Variants in PCDHA8 observed in about 807,000 individuals in gnomAD.
PCDHA8 encodes the protein protocadherin alpha 8.
A neutral mutation model predicts 61.8 loss-of-function variants in PCDHA8; 53 were observed. The observed-to-expected ratio is 0.86, with a 90% CI of 0.69 to 1.08. PCDHA8 has a LOEUF of 1.08. PCDHA8 is among the 50% of genes least tolerant of loss of function. The pLI is 0.00. For synonymous variants in PCDHA8, 618 were observed against 556.6 expected (o/e 1.11, Z -1.55); for missense variants, 1,293 against 1,245.0 (o/e 1.04, Z -0.58).
chr5:140,928,105 C>T, intron 1 of PCDHA8: 6 of 1,614,150 alleles, frequency 3.7e-6, no homozygotes, highest in Middle Eastern at 1.6e-4. Flanking sequence ...GCCCCTGGAC[C>T]GGGAGCAGAT....
At chr5:140,969,733 T>C (rs1299165103) in intron 1 of PCDHA8, among the ~76,000 whole-genome samples, 1 of 152,242 alleles carries the variant, frequency 6.6e-6, no homozygotes, top group Non-Finnish European at 1.5e-5. Context: ...TTTGAAATCC[T>C]ATATGAGTGA....
intron 1 of PCDHA8, chr5:140,851,113 A>C: frequency 1.5e-6 from 2 of 1,303,480 alleles, no homozygotes; most frequent in East Asian, 5.4e-5. Context: ...GTGCTGAATC[A>C]ATTTTATTTA....
chr5:140,888,712 A>G (rs567823119), intron 1 of PCDHA8, among the ~76,000 whole-genome samples: 34 of 152,168 alleles, frequency 2.2e-4, no homozygotes, highest in Non-Finnish European at 4.1e-4. Flanking sequence ...GGAATGTGAA[A>G]TATTTCCAGC....
intron 1 of PCDHA8, chr5:140,969,203 G>T (rs781962982): frequency 8.1e-6 from 13 of 1,614,178 alleles, no homozygotes; most frequent in Non-Finnish European, 1.1e-5. Flanking sequence ...CAATACAGGG[G>T]CCCAGACAGG....
At chr5:140,857,733 C>T (rs2044837813) in intron 1 of PCDHA8, 1 of 1,597,494 alleles carries the variant, frequency 6.3e-7, no homozygotes, top group Non-Finnish European at 8.6e-7. Flanking sequence ...GACAACGCTC[C>T]CGCGCTGCTG....
chr5:140,857,003 G>A (rs74982530), intron 1 of PCDHA8: 2 of 1,595,436 alleles, frequency 1.3e-6, no homozygotes, highest in Admixed American at 1.7e-5. Flanking sequence ...TGAAATTCAT[G>A]TAGATGTTAC....
intron 3 of PCDHA8, among the ~76,000 whole-genome samples, chr5:141,000,102 C>T (rs537991787): frequency 8.5e-5 from 13 of 152,172 alleles, no homozygotes; most frequent in East Asian, 5.8e-4. Context: ...AGCTCAACTC[C>T]GTCTCTTCCC....
chr5:140,948,573 G>A (rs892818051), intron 1 of PCDHA8, among the ~76,000 whole-genome samples: 1 of 151,448 alleles, frequency 6.6e-6, no homozygotes, highest in Non-Finnish European at 1.5e-5. Flanking sequence ...ATTTTTTAAA[G>A]GATTTGTCAG....
chr5:140,866,367 C>T (rs1375421273), intron 1 of PCDHA8: 1 of 152,082 alleles, frequency 6.6e-6, no homozygotes, highest in African/African-American at 2.4e-5. Flanking sequence ...ATATTGCATA[C>T]TTCAATAACA....
At chr5:140,969,342 G>T (rs1216517284) in intron 1 of PCDHA8, 2 of 1,613,512 alleles carry the variant, frequency 1.2e-6, no homozygotes, top group Non-Finnish European at 1.7e-6. Flanking sequence ...GTGAGACAGT[G>T]GTCAGGGGGT....
In PCDHA8 at chr5:140,869,783, G is replaced by A. The variant is rs990827650; in HGVS notation, c.2394+26068G>A. The A allele has an allele frequency of 1.2e-5, 19 of 1,612,688 alleles. No homozygotes were observed. In the African/African-American group the frequency reaches 1.2e-4, roughly 10 times the overall value. ...AAACCAGAGCTTACTGGCACCGTTC[G>A]GCTGTTAGTCCAAGTCTTGGATGTC... On this transcript the variant is annotated intron_variant, in intron 1 of 3. Coordinates refer to ENST00000531613, the MANE Select transcript of PCDHA8 (RefSeq NM_018911.3).
chr5:140,990,055 C>T (rs1563562429), intron 3 of PCDHA8, among the ~76,000 whole-genome samples: 2 of 151,866 alleles, frequency 1.3e-5, no homozygotes, highest in Non-Finnish European at 1.5e-5. Context: ...GATGGTAATA[C>T]TTAAAGGAAA....
intron 1 of PCDHA8, chr5:140,857,713 G>A (rs903592431): frequency 5.6e-6 from 9 of 1,597,320 alleles, no homozygotes; most frequent in Non-Finnish European, 7.7e-6. Flanking sequence ...TGTTCGTGCT[G>A]GACGAGAACG....
intron 1 of PCDHA8, among the ~76,000 whole-genome samples, chr5:140,922,423 T>C (rs1554200812): frequency 6.6e-6 from 1 of 152,170 alleles, no homozygotes; most frequent in Non-Finnish European, 1.5e-5. Context: ...GTACAGAGGC[T>C]GAGGGCAGAA....
intron 1 of PCDHA8, chr5:140,847,977 G>A (rs1781271032): frequency 6.4e-6 from 1 of 155,600 alleles, no homozygotes; most frequent in Non-Finnish European, 1.4e-5. Context: ...CGAGCCATAT[G>A]GGAGATTCTG....
intron 3 of PCDHA8, among the ~76,000 whole-genome samples, chr5:140,989,801 G>A (rs1554251107): frequency 1.3e-5 from 2 of 152,184 alleles, no homozygotes; most frequent in Non-Finnish European, 1.5e-5. Context: ...CCCAGGAAAG[G>A]GCCATAAGAT....
chr5:140,912,860 G>T (rs1554195574), intron 1 of PCDHA8, among the ~76,000 whole-genome samples: 1 of 152,182 alleles, frequency 6.6e-6, no homozygotes, highest in South Asian at 2.1e-4. Flanking sequence ...CAATTGAAAT[G>T]ATATATGGTT....
At position 140,970,818 on chromosome 5, in the gene PCDHA8, G is replaced by A. The variant is rs77234853; in HGVS notation, c.2395-8131G>A. Among the ~76,000 whole-genome samples, 569 of 152,084 alleles carry A rather than the reference G, an allele frequency of 3.7e-3. 1 individual carries two copies. The highest frequency in any genetic ancestry group is 5.8e-3 in the South Asian group (28 of 4,824). On this transcript the variant is annotated intron_variant, in intron 1 of 3. Coordinates refer to ENST00000531613, the MANE Select transcript of PCDHA8 (RefSeq NM_018911.3). ...CATATTGTTACATTTCAAGTTCATGGTAATCTTGAGGAATGTAATGCACAG... is the reference window on the plus strand; with the variant it reads ...CATATTGTTACATTTCAAGTTCATGATAATCTTGAGGAATGTAATGCACAG...
chr5:140,848,134 AC>A (rs1781341160), intron 1 of PCDHA8: 1 of 192,738 alleles, frequency 5.2e-6, no homozygotes, highest in South Asian at 1.3e-4. Context: ...GTCATACAAA[AC>A]TTTTAGAGGC....
Sources: allele counts gnomAD v4.1 joint callset (sites outside exome capture counted in the v4.1 genomes callset), GRCh38; gene constraint gnomAD v4.1.1; transcripts MANE v1.5; gene names NCBI Gene and HGNC (gene_info 2026-07-23, HGNC 2026-07-21).